Variants in CLSTN2 observed in about 807,000 individuals in gnomAD.
CLSTN2 encodes calsyntenin-2.
Under a neutral mutation model 101.2 loss-of-function variants are expected in CLSTN2, and 48 were observed. The ratio of observed to expected loss-of-function variants is 0.47; its 90% confidence interval spans 0.38 to 0.60. CLSTN2 has a LOEUF of 0.60. Among genes scored for constraint, CLSTN2 ranks in the 20% least tolerant of loss-of-function variants. CLSTN2 has a pLI of 0.00. For missense variants in CLSTN2, 1,160 were observed against 1,238.2 expected, an observed-to-expected ratio of 0.94 and a Z score of 0.95; for synonymous variants, 481 against 463.6, an observed-to-expected ratio of 1.04 and a Z score of -0.48.
rs562059537 is a variant in CLSTN2 at position 140,482,161 on chromosome 3, G to A, written c.1344+15430G>A. Among the ~76,000 whole-genome samples, 29 of 152,262 alleles carry A rather than the reference G, an allele frequency of 1.9e-4. No homozygotes were observed. In the East Asian group the frequency reaches 2.5e-3, roughly 13 times the overall value. ...TTATTGAGAGTTTTCAGCATGAAGCGTTGTTGAATTTTGTCAAAGGCCTTT... is the reference window on the plus strand; with the variant it reads ...TTATTGAGAGTTTTCAGCATGAAGCATTGTTGAATTTTGTCAAAGGCCTTT... On this transcript the variant is annotated intron_variant, in intron 8 of 16. Transcript: ENST00000458420.
At chr3:140,010,791 A>C (rs867121427) in intron 1 of CLSTN2, among the ~76,000 whole-genome samples, 4 of 152,368 alleles carry the variant, frequency 2.6e-5, no homozygotes, top group Middle Eastern at 6.8e-3. Context: ...ATGTTCATGT[A>C]GAAAATTTGA....
At chr3:140,148,184 G>T (rs973741109) in intron 1 of CLSTN2, among the ~76,000 whole-genome samples, 2 of 152,230 alleles carry the variant, frequency 1.3e-5, no homozygotes, top group Admixed American at 6.5e-5. Context: ...CTGGAACTTT[G>T]TGGGGACCTT....
At chr3:140,112,824 C>A (rs555135353) in intron 1 of CLSTN2, among the ~76,000 whole-genome samples, 1 of 152,234 alleles carries the variant, frequency 6.6e-6, no homozygotes, top group East Asian at 1.9e-4. Context: ...AATTTGAAAA[C>A]CTCTCTCTGC....
At chr3:140,504,907 A>G (rs1332095090) in intron 8 of CLSTN2, among the ~76,000 whole-genome samples, 1 of 152,172 alleles carries the variant, frequency 6.6e-6, no homozygotes, top group African/African-American at 2.4e-5. Context: ...CCAGAGCTTT[A>G]TATGAGACCA....
chr3:140,252,883 C>T (rs114439601), intron 2 of CLSTN2, among the ~76,000 whole-genome samples: 3 of 151,888 alleles, frequency 2.0e-5, no homozygotes, highest in African/African-American at 4.8e-5. Flanking sequence ...TGACCCAGCT[C>T]ATCTGATGAA....
chr3:140,183,766 C>G (rs1365897675), intron 2 of CLSTN2, among the ~76,000 whole-genome samples: 1 of 152,142 alleles, frequency 6.6e-6, no homozygotes, highest in African/African-American at 2.4e-5. Context: ...TTTATACATA[C>G]CAGGCATTAT....
chr3:140,388,129 A>T (rs1173844897), intron 2 of CLSTN2, among the ~76,000 whole-genome samples: 1 of 152,246 alleles, frequency 6.6e-6, no homozygotes, highest in African/African-American at 2.4e-5. Context: ...ACCATAAGAA[A>T]CCCACTACAG....
chr3:140,021,820 C>G (rs1172229461), intron 1 of CLSTN2, among the ~76,000 whole-genome samples: 1 of 152,206 alleles, frequency 6.6e-6, no homozygotes, highest in Non-Finnish European at 1.5e-5. Flanking sequence ...AAGGCATTCT[C>G]CATTGTTAAT....
At chr3:140,009,352 CA>C (rs958251994) in intron 1 of CLSTN2, among the ~76,000 whole-genome samples, 3 of 151,658 alleles carry the variant, frequency 2.0e-5, no homozygotes, top group African/African-American at 7.3e-5. Context: ...GGGCATTTTA[CA>C]AAAAAAATTA....
At chr3:140,254,862 T>C (rs1476128133) in intron 2 of CLSTN2, among the ~76,000 whole-genome samples, 1 of 152,068 alleles carries the variant, frequency 6.6e-6, no homozygotes, top group Admixed American at 6.6e-5. Flanking sequence ...ACAGCACAAG[T>C]AAACAGACAA....
At chr3:140,218,540 G>T (rs2010949555) in intron 2 of CLSTN2, among the ~76,000 whole-genome samples, 1 of 152,052 alleles carries the variant, frequency 6.6e-6, no homozygotes. Flanking sequence ...ACCCCCTGTT[G>T]TTAGATAGTC....
At chr3:139,972,216 A>G (rs1935719098) in intron 1 of CLSTN2, among the ~76,000 whole-genome samples, 1 of 152,016 alleles carries the variant, frequency 6.6e-6, no homozygotes, top group African/African-American at 2.4e-5. Flanking sequence ...GTGAGCCAAG[A>G]TCGCACCACT....
chr3:139,937,574 T>TAA (rs59496165), intron 1 of CLSTN2, among the ~76,000 whole-genome samples: 4,663 of 114,600 alleles, frequency 0.041, 208 homozygotes, highest in African/African-American at 0.11. Flanking sequence ...CCGTCTCTAC[T>TAA]AAAAAAAAAA....
At position 140,566,193 on chromosome 3, in the gene CLSTN2, T is replaced by G; in HGVS notation, c.2808T>G (p.His936Gln). 1 of 1,605,320 alleles carries G rather than the reference T, an allele frequency of 6.2e-7. No individual in the cohort carries two copies. The highest frequency in any genetic ancestry group is 2.2e-5 in the East Asian group (1 of 44,578). ...EEEEGMGRGR[H>Q]GQNGARQAQL... The stretch of plus-strand genomic sequence containing the variant: ...AGGAAGGGATGGGCAGAGGCAGACA[T>G]GGGCAGAATGGAGCCAGGCAAGCCC... Residue 936 changes from histidine to glutamine, a missense_variant, in exon 17 of 17, where the codon CAT becomes CAG. Transcript: ENST00000458420.
chr3:140,035,369 G>A (rs1403835360), intron 1 of CLSTN2, among the ~76,000 whole-genome samples: 2 of 152,244 alleles, frequency 1.3e-5, no homozygotes, highest in African/African-American at 4.8e-5. Flanking sequence ...TAGGGCAGTA[G>A]GAAGTGGATG....
intron 1 of CLSTN2, among the ~76,000 whole-genome samples, chr3:140,079,010 G>T (rs1014540348): frequency 4.6e-5 from 7 of 152,168 alleles, no homozygotes; most frequent in African/African-American, 1.7e-4. Context: ...ATATCAGAAA[G>T]ACCTATTTTT....
At chr3:139,945,189 A>G (rs1238846707) in intron 1 of CLSTN2, among the ~76,000 whole-genome samples, 1 of 152,210 alleles carries the variant, frequency 6.6e-6, no homozygotes, top group Non-Finnish European at 1.5e-5. Flanking sequence ...CTAGAAAACC[A>G]CTGTGGAGTA....
intron 2 of CLSTN2, among the ~76,000 whole-genome samples, chr3:140,389,994 A>G (rs574582272): frequency 5.9e-5 from 9 of 152,234 alleles, no homozygotes; most frequent in Non-Finnish European, 1.3e-4. Context: ...TTCTAAAAAC[A>G]AATTATGTAT....
chr3:140,055,730 A>T (rs747521221), intron 1 of CLSTN2, among the ~76,000 whole-genome samples: 2 of 152,310 alleles, frequency 1.3e-5, no homozygotes, highest in Admixed American at 1.3e-4. Context: ...GCTCTGGTTT[A>T]GCACTAATCT....
Sources: allele counts gnomAD v4.1 joint callset (sites outside exome capture counted in the v4.1 genomes callset), GRCh38; gene constraint gnomAD v4.1.1; transcripts MANE v1.5; gene names NCBI Gene and HGNC (gene_info 2026-07-23, HGNC 2026-07-21).